Variants in KDM2B observed in about 807,000 individuals in gnomAD.
The protein encoded by KDM2B is lysine demethylase 2B.
KDM2B carries 26 observed loss-of-function variants against 150.0 expected under a neutral mutation model. The observed-to-expected ratio is 0.17, with a 90% CI of 0.13 to 0.24. The LOEUF is 0.24. Among genes scored for constraint, KDM2B ranks in the 10% least tolerant of loss-of-function variants. KDM2B has a pLI of 1.00. For synonymous variants in KDM2B, 734 were observed against 729.5 expected, an observed-to-expected ratio of 1.01 and a Z score of -0.10; for missense variants, 1,265 against 1,816.9, an observed-to-expected ratio of 0.70 and a Z score of 5.52.
chr12:121,480,474 G>A (rs1000126077), intron 12 of KDM2B, among the ~76,000 whole-genome samples: 8 of 151,324 alleles, frequency 5.3e-5, no homozygotes, highest in South Asian at 2.1e-4. Context: ...GGCCAGGAAC[G>A]GTGGCTCATG....
intron 13 of KDM2B, among the ~76,000 whole-genome samples, chr12:121,447,929 T>C (rs968488153): frequency 9.9e-5 from 15 of 152,102 alleles, no homozygotes; most frequent in Non-Finnish European, 2.1e-4. Flanking sequence ...AGTGTTGTGA[T>C]TGCAGGCATT....
Position 121,581,015 on chromosome 12 carries a change from C to A in KDM2B, c.-104G>T. On this transcript the variant is annotated 5_prime_UTR_variant, in exon 1 of 23. Coordinates refer to ENST00000377071, the MANE Select transcript of KDM2B (RefSeq NM_032590.5). ...CCCGGCACTCAAAGATGTGGACACA[C>A]ACACGTACAGGAAATACAGCCAGAC... The A allele has an allele frequency of 6.8e-7, 1 of 1,467,376 alleles. No homozygotes were observed. The highest frequency in any genetic ancestry group is 2.1e-5 in the Admixed American group (1 of 47,642). 90.9% of individuals were successfully genotyped at this position (1,467,376 alleles called of 1,614,324 possible).
chr12:121,443,392 CTGGCGCCACCTTGT>C (rs1555289130), intron 17 of KDM2B: 1 of 579,050 alleles, frequency 1.7e-6, no homozygotes. Flanking sequence ...GGAGAGACTC[CTGGCGCCACCTTGT>C]GGCTGGTGAC....
chr12:121,431,295 C>CTT (rs71453557), intron 22 of KDM2B, among the ~76,000 whole-genome samples: 2,471 of 98,840 alleles, frequency 0.025, 232 homozygotes, highest in African/African-American at 0.067. Flanking sequence ...CCATGTGCAA[C>CTT]TTTTTTTTTT....
At chr12:121,446,203 G>C (rs1161854355) in intron 13 of KDM2B, among the ~76,000 whole-genome samples, 1 of 152,074 alleles carries the variant, frequency 6.6e-6, no homozygotes, top group Admixed American at 6.5e-5. Context: ...AGACCATCCC[G>C]GCTACCACGG....
At position 121,532,759 on chromosome 12, in the gene KDM2B, G is replaced by C. The variant is rs1887773239; in HGVS notation, c.931+47C>G. The C allele has an allele frequency of 2.5e-5, 40 of 1,602,454 alleles. No homozygotes were observed. The East Asian group carries it at 8.7e-4, about 35-fold the overall frequency. On this transcript the variant is annotated intron_variant, in intron 8 of 22. Transcript: ENST00000377071. ...TCAGGGGGCCTAAAACCCTGGCTCA[G>C]GCCGCAGGAGACTCGAGGAGCCCAG...
the KDM2B span, chr12:121,418,464 A>C: frequency 6.5e-6 from 1 of 152,962 alleles, no homozygotes; most frequent in African/African-American, 2.4e-5. Context: ...CTTGTAATTA[A>C]TATTTACTTG....
intron 4 of KDM2B, among the ~76,000 whole-genome samples, chr12:121,554,191 T>TC (rs1889732320): frequency 2.0e-5 from 3 of 151,492 alleles, no homozygotes; most frequent in Non-Finnish European, 4.4e-5. Context: ...TGAGCCATGA[T>TC]CGTGCCACTG....
the KDM2B span, chr12:121,416,117 T>C: frequency 6.5e-7 from 1 of 1,546,336 alleles, no homozygotes; most frequent in Non-Finnish European, 8.9e-7. Context: ...AGAGCCCAGA[T>C]TCCACTTAGC....
chr12:121,471,867 C>T (rs987880389), intron 12 of KDM2B, among the ~76,000 whole-genome samples: 7 of 152,186 alleles, frequency 4.6e-5, no homozygotes. Context: ...ACAGAAGTGA[C>T]CCATGCCTGT....
intron 12 of KDM2B, among the ~76,000 whole-genome samples, chr12:121,489,640 A>G (rs1413563000): frequency 6.6e-6 from 1 of 151,964 alleles, no homozygotes; most frequent in Non-Finnish European, 1.5e-5. Flanking sequence ...GGGTTTTACC[A>G]TGTTAGTGAG....
chr12:121,541,784 C>T (rs1888633150), intron 6 of KDM2B, among the ~76,000 whole-genome samples: 2 of 152,120 alleles, frequency 1.3e-5, no homozygotes, highest in Admixed American at 1.3e-4. Flanking sequence ...TGTCAGATCA[C>T]AGCATATCTT....
intron 6 of KDM2B, among the ~76,000 whole-genome samples, chr12:121,543,097 G>A (rs1237597365): frequency 6.6e-6 from 1 of 152,234 alleles, no homozygotes; most frequent in Non-Finnish European, 1.5e-5. Context: ...GGTCATGCCT[G>A]TAATCCCAGC....
At chr12:121,414,162 C>T in the KDM2B span, among the ~76,000 whole-genome samples, 2 of 152,118 alleles carry the variant, frequency 1.3e-5, no homozygotes, top group Non-Finnish European at 2.9e-5. Context: ...ATTTTACATG[C>T]TATTATAAAA....
intron 11 of KDM2B, among the ~76,000 whole-genome samples, chr12:121,496,885 G>C (rs1476878531): frequency 1.3e-5 from 2 of 151,736 alleles, no homozygotes; most frequent in Non-Finnish European, 2.9e-5. Context: ...CAAAGTGCTG[G>C]GATTGCAGGT....
In KDM2B at chr12:121,442,137, C is replaced by G; in HGVS notation, c.3284+20G>C. 6.2e-7 allele frequency: 1 copy of G among 1,610,760 alleles called. No homozygotes were observed. The highest frequency in any genetic ancestry group is 8.5e-7 in the Non-Finnish European group (1 of 1,177,594). On this transcript the variant is annotated intron_variant, in intron 19 of 22. Coordinates refer to ENST00000377071, the MANE Select transcript of KDM2B (RefSeq NM_032590.5). The surrounding 1 kb of genome is among the most constrained non-coding windows in gnomAD (Gnocchi z 7.7). ...GCCGCCTGAGCCTTAACCTAGAGCC[C>G]TACACAGGCCGCCGCTCACCAGCGG... is the stretch of plus-strand genomic sequence containing the variant.
rs373941771 is a variant in KDM2B at position 121,513,407 on chromosome 12, A to G, written c.1048-5T>C. The G allele has an allele frequency of 8.3e-5, 134 of 1,609,848 alleles. 1 individual carries two copies. The highest frequency in any genetic ancestry group is 1.1e-4 in the Non-Finnish European group (127 of 1,176,714). On this transcript the variant is annotated splice_polypyrimidine_tract_variant and splice_region_variant and intron_variant, in intron 9 of 22. Transcript: ENST00000377071. This position sits in a 1 kb window ranked among gnomAD's most constrained non-coding sequence, Gnocchi z 5.0. ...GTAACGGAATTTGGGCTGCACCTGAAAGCAAAGACGCAGGCAGGCAGAGGT... is the reference window on the plus strand; with the variant it reads ...GTAACGGAATTTGGGCTGCACCTGAGAGCAAAGACGCAGGCAGGCAGAGGT...
In KDM2B at chr12:121,533,595, G is replaced by C. The variant is rs376396951; in HGVS notation, c.778-636C>G. Among the ~76,000 whole-genome samples, 7 of 152,310 alleles carry C rather than the reference G, an allele frequency of 4.6e-5. No individual in the cohort carries two copies. The South Asian group carries it at 6.2e-4, about 14-fold the overall frequency. Reference sequence around the variant, plus strand: ...ATGTTCCTAGAGGCAGGTGGTGCTGGCAACTAGACTTTAAAGTAAAAAGGT... The same window carrying C: ...ATGTTCCTAGAGGCAGGTGGTGCTGCCAACTAGACTTTAAAGTAAAAAGGT... On this transcript the variant is annotated intron_variant, in intron 7 of 22. Transcript: ENST00000377071. This position sits in a 1 kb window ranked among gnomAD's most constrained non-coding sequence, Gnocchi z 4.1.
intron 17 of KDM2B, chr12:121,443,238 T>A (rs1157227631): frequency 1.1e-5 from 7 of 610,058 alleles, no homozygotes; most frequent in Admixed American, 2.9e-5. Context: ...AGGAGTACAG[T>A]TGAACTGTTC....
Sources: gnomAD v4.1 joint callset for allele counts (sites outside exome capture counted in the v4.1 genomes callset) on GRCh38, gnomAD v4.1.1 for gene constraint, Gnocchi (gnomAD v3.1) non-coding constraint, MANE v1.5 for transcripts, NCBI Gene and HGNC (gene_info 2026-07-23, HGNC 2026-07-21) for gene names.